Variants in CCSER1 observed in about 807,000 individuals in gnomAD.
The protein encoded by CCSER1 is coiled-coil serine rich protein 1, also known as serine-rich coiled-coil domain-containing protein 1.
A neutral mutation model predicts 82.0 loss-of-function variants in CCSER1; 41 were observed. The ratio of observed to expected loss-of-function variants is 0.50; its 90% CI spans 0.39 to 0.65. The LOEUF (loss-of-function observed/expected upper bound fraction) is 0.65. Ranked by LOEUF, CCSER1 falls within the 30% of genes least tolerant of loss-of-function variation. The pLI is 0.00. For missense variants in CCSER1, 1,119 were observed against 1,064.2 expected, an observed-to-expected ratio of 1.05 and a Z score of -0.72; for synonymous variants, 414 against 383.9, an observed-to-expected ratio of 1.08 and a Z score of -0.92.
intron 10 of CCSER1, among the ~76,000 whole-genome samples, chr4:91,415,756 G>A (rs1268141500): frequency 2.0e-5 from 3 of 152,100 alleles, no homozygotes; most frequent in Admixed American, 2.0e-4. Flanking sequence ...CCAGGAAGAA[G>A]CCAATTTGAT....
intron 10 of CCSER1, among the ~76,000 whole-genome samples, chr4:91,438,554 G>A (rs538146699): frequency 6.6e-6 from 1 of 152,108 alleles, no homozygotes; most frequent in African/African-American, 2.4e-5. Flanking sequence ...AGAAAAACTG[G>A]ATACTCTAAA....
At chr4:91,569,987 G>T (rs903500164) in intron 10 of CCSER1, among the ~76,000 whole-genome samples, 1 of 152,116 alleles carries the variant, frequency 6.6e-6, no homozygotes, top group African/African-American at 2.4e-5. Flanking sequence ...GGGGGAAAAG[G>T]CACTGGGTAA....
rs535565074 is a variant in CCSER1 at position 91,242,852 on chromosome 4, C to T, written c.2217+156858C>T. On this transcript the variant is annotated intron_variant, in intron 10 of 10. Transcript: ENST00000509176. ...CTAAAGGTTGGGGGTCAAAGCAAGA[C>T]GGTGGAATAGAAGCCTACGTTGTTT... Among the ~76,000 whole-genome samples, 15 of 152,218 alleles carry T rather than the reference C, an allele frequency of 9.9e-5. No individual in the cohort carries two copies. In the South Asian group the frequency reaches 1.5e-3, roughly 15 times the overall value.
chr4:90,794,212 G>A (rs1755658286), intron 7 of CCSER1, among the ~76,000 whole-genome samples: 2 of 152,238 alleles, frequency 1.3e-5, no homozygotes, highest in East Asian at 3.9e-4. Flanking sequence ...ATTGCTTTTG[G>A]TGTTTTCATA....
intron 10 of CCSER1, among the ~76,000 whole-genome samples, chr4:91,123,674 C>G (rs956911138): frequency 6.6e-6 from 1 of 151,716 alleles, no homozygotes; most frequent in Admixed American, 6.6e-5. Context: ...TAGAGACTTT[C>G]TTTTAGAACA....
chr4:90,772,009 A>G (rs1343250252), intron 7 of CCSER1, among the ~76,000 whole-genome samples: 1 of 152,142 alleles, frequency 6.6e-6, no homozygotes, highest in Non-Finnish European at 1.5e-5. Context: ...AAATTATGCA[A>G]TTCTCCTCAT....
At chr4:91,427,634 A>C (rs1322371271) in intron 10 of CCSER1, among the ~76,000 whole-genome samples, 1 of 152,148 alleles carries the variant, frequency 6.6e-6, no homozygotes. Context: ...ACTGAGATGA[A>C]AATAATCTAT....
intron 5 of CCSER1, among the ~76,000 whole-genome samples, chr4:90,495,550 C>T (rs1287345547): frequency 6.6e-6 from 1 of 152,106 alleles, no homozygotes; most frequent in South Asian, 2.1e-4. Flanking sequence ...CCAAAATAAA[C>T]AGTACTCTAA....
intron 4 of CCSER1, among the ~76,000 whole-genome samples, chr4:90,423,146 G>A (rs560672274): frequency 6.6e-6 from 1 of 151,984 alleles, no homozygotes; most frequent in African/African-American, 2.4e-5. Flanking sequence ...ATATTATTTG[G>A]TGTAAATAAT....
At chr4:91,421,503 A>G (rs1753681303) in intron 10 of CCSER1, among the ~76,000 whole-genome samples, 1 of 152,178 alleles carries the variant, frequency 6.6e-6, no homozygotes, top group Non-Finnish European at 1.5e-5. Flanking sequence ...TTGTCCTTTT[A>G]CTAATTTTTT....
chr4:91,368,486 G>A (rs1749798309), intron 10 of CCSER1, among the ~76,000 whole-genome samples: 2 of 151,944 alleles, frequency 1.3e-5, no homozygotes. Flanking sequence ...GCAGAATTAT[G>A]CATTTTTCTA....
chr4:91,309,308 C>A (rs1745283331), intron 10 of CCSER1, among the ~76,000 whole-genome samples: 1 of 151,916 alleles, frequency 6.6e-6, no homozygotes, highest in African/African-American at 2.4e-5. Context: ...AAACCACCAA[C>A]AACAAATTCT....
rs1750023067 is a variant in CCSER1, at chr4:90,759,044, C to T, written c.2010+35053C>T. Among the ~76,000 whole-genome samples the T allele has an allele frequency of 3.3e-5, 5 of 152,158 alleles. No individual in the cohort carries two copies. In the South Asian group the frequency reaches 1.0e-3, roughly 32 times the overall value. On this transcript the variant is annotated intron_variant, in intron 7 of 10. Coordinates refer to ENST00000509176, the MANE Select transcript of CCSER1 (RefSeq NM_001145065.2). Reference sequence around the variant, plus strand: ...CCCTTTTGTCTTCTTACTGGAACATCTTGCACCTCCTTCTAAGCCATCCAT... The same window carrying T: ...CCCTTTTGTCTTCTTACTGGAACATTTTGCACCTCCTTCTAAGCCATCCAT...
At chr4:91,085,802 A>G in intron 9 of CCSER1, 148 bp from the exon 10 acceptor site, 1 of 598,384 alleles carries the variant, frequency 1.7e-6, no homozygotes, top group South Asian at 2.1e-5. Flanking sequence ...ATAGACACAT[A>G]CACACCCATG....
At chr4:90,641,612 A>G (rs1681341980) in intron 6 of CCSER1, among the ~76,000 whole-genome samples, 2 of 152,138 alleles carry the variant, frequency 1.3e-5, no homozygotes, top group Admixed American at 6.6e-5. Context: ...GCCTGTAAAA[A>G]TGGCAGAAAT....
chr4:90,599,270 G>A (rs900685558), intron 5 of CCSER1, among the ~76,000 whole-genome samples: 1 of 152,150 alleles, frequency 6.6e-6, no homozygotes, highest in South Asian at 2.1e-4. Flanking sequence ...GGATCATGGG[G>A]TGGTTTTTCC....
At chr4:91,133,652 C>T (rs749141217) in intron 10 of CCSER1, among the ~76,000 whole-genome samples, 1 of 152,036 alleles carries the variant, frequency 6.6e-6, no homozygotes, top group Admixed American at 6.6e-5. Context: ...TTGAGAGGGA[C>T]AAGAAGCAAT....
chr4:91,533,384 G>A (rs1156262202), intron 10 of CCSER1, among the ~76,000 whole-genome samples: 2 of 152,142 alleles, frequency 1.3e-5, no homozygotes, highest in Admixed American at 6.6e-5. Flanking sequence ...TATTTTGGAA[G>A]GAGCTTTGGA....
At chr4:90,164,369 G>A (rs948137945) in intron 1 of CCSER1, among the ~76,000 whole-genome samples, 1 of 151,378 alleles carries the variant, frequency 6.6e-6, no homozygotes, top group African/African-American at 2.4e-5. Context: ...AGTTATTTAA[G>A]ATATGAAGAT....
Sources: allele counts gnomAD v4.1 joint callset (sites outside exome capture counted in the v4.1 genomes callset), GRCh38; gene constraint gnomAD v4.1.1; transcripts MANE v1.5; gene names NCBI Gene and HGNC (gene_info 2026-07-23, HGNC 2026-07-21).